CNTNAP4: variants seen among roughly 807,000 people sequenced by gnomAD.
CNTNAP4 encodes contactin associated protein family member 4, also known as contactin-associated protein-like 4.
In CNTNAP4, 98 loss-of-function variants were observed where a neutral mutation model predicts 148.4. The ratio of observed to expected loss-of-function variants is 0.66; its 90% CI spans 0.56 to 0.78. CNTNAP4 has a LOEUF of 0.78. Ranked by LOEUF, CNTNAP4 falls within the 30% of genes least tolerant of loss-of-function variation. The pLI is 0.00. For synonymous variants in CNTNAP4, 730 were observed against 565.1 expected, an observed-to-expected ratio of 1.29 and a Z score of -4.14; for missense variants, 1,935 against 1,565.6, an observed-to-expected ratio of 1.24 and a Z score of -3.98.
chr16:76,509,752 T>C lies in CNTNAP4; in HGVS notation c.2365+11058T>C, dbSNP rs1447567206. On this transcript the variant is annotated intron_variant, in intron 15 of 23. Transcript: ENST00000611870. ...GCTATTATTTGTATATTGTTACTTT[T>C]AAAGGCTAACCACTAGTTCTATTCT... Among the ~76,000 whole-genome samples, 11 of 97,448 alleles carry C rather than the reference T, an allele frequency of 1.1e-4. 3 individuals are homozygous for C. The highest frequency in any genetic ancestry group is 6.0e-4 in the Admixed American group (6 of 10,020). 63.9% of individuals were successfully genotyped at this position (97,448 alleles called of 152,430 possible).
intron 3 of CNTNAP4, among the ~76,000 whole-genome samples, chr16:76,402,123 A>C (rs1328523659): frequency 2.0e-5 from 3 of 152,194 alleles, no homozygotes; most frequent in Non-Finnish European, 2.9e-5. Flanking sequence ...GAATGGTACC[A>C]GCTCTTCTTT....
intron 4 of CNTNAP4, among the ~76,000 whole-genome samples, chr16:76,434,929 G>A (rs1409605113): frequency 1.3e-5 from 2 of 152,136 alleles, no homozygotes; most frequent in Admixed American, 6.6e-5. Context: ...TTTAACTGGA[G>A]CACCACAATG....
At chr16:76,361,231 C>G (rs540449400) in intron 3 of CNTNAP4, among the ~76,000 whole-genome samples, 73 of 152,252 alleles carry the variant, frequency 4.8e-4, no homozygotes, top group East Asian at 9.6e-4. Flanking sequence ...TGTTGTAAGG[C>G]AGATCTGCAG....
At chr16:76,344,885 T>G (rs1964777263) in intron 2 of CNTNAP4, among the ~76,000 whole-genome samples, 1 of 152,224 alleles carries the variant, frequency 6.6e-6, no homozygotes, top group Non-Finnish European at 1.5e-5. Context: ...AATGTACTCA[T>G]ATGATGTCAT....
At chr16:76,533,963 C>T (rs1324040346) in intron 17 of CNTNAP4, among the ~76,000 whole-genome samples, 1 of 152,198 alleles carries the variant, frequency 6.6e-6, no homozygotes, top group Non-Finnish European at 1.5e-5. Context: ...AGCTATGAAT[C>T]TGAATTCTGA....
intron 15 of CNTNAP4, among the ~76,000 whole-genome samples, chr16:76,514,460 A>T (rs1412880708): frequency 2.0e-5 from 3 of 152,244 alleles, no homozygotes. Context: ...GAAAAGAAAT[A>T]TCTTCTTCAG....
intron 3 of CNTNAP4, among the ~76,000 whole-genome samples, chr16:76,383,905 A>G (rs1479491127): frequency 6.6e-6 from 1 of 152,148 alleles, no homozygotes; most frequent in East Asian, 1.9e-4. Flanking sequence ...TGTTCTCTCT[A>G]CTTGGTTCTA....
Position 76,494,921 on chromosome 16 carries a change from C to A in CNTNAP4, c.2092C>A (p.Leu698Met), listed in dbSNP as rs368369408. ...RLVNKQDGTP[L>M]SWWVGRTNET... ...CGTTTTTCTTTCAGATGGAACCCCTCTGAGTTGGTGGGTAGGAAGAACCAA... is the reference window on the plus strand; with the variant it reads ...CGTTTTTCTTTCAGATGGAACCCCTATGAGTTGGTGGGTAGGAAGAACCAA... The change falls in exon 14 of 24, where the codon CTG becomes ATG. Residue 698 changes from leucine (L) to methionine (M), a missense_variant. Physicochemically the swap from Leu to Met is conservative, Grantham distance 15 (BLOSUM62 2). Transcript: ENST00000611870. 2 of 1,613,152 alleles carry A rather than the reference C, an allele frequency of 1.2e-6. No individual in the cohort carries two copies. Among genetic ancestry groups the A allele is most frequent in the Non-Finnish European group, 1.7e-6 (2 of 1,179,438 alleles).
At chr16:76,361,946 A>T (rs34176229) in intron 3 of CNTNAP4, among the ~76,000 whole-genome samples, 63,040 of 151,896 alleles carry the variant, frequency 0.42, 13,736 homozygotes, top group Admixed American at 0.52. Flanking sequence ...TCTTTTCACC[A>T]ACCTGCTGGT....
chr16:76,515,651 G>A (rs1056550193), intron 15 of CNTNAP4, among the ~76,000 whole-genome samples: 1 of 152,152 alleles, frequency 6.6e-6, no homozygotes, highest in African/African-American at 2.4e-5. Flanking sequence ...AACACAATGG[G>A]CAAAAGACGT....
chr16:76,556,528 G>GT (rs896485902), intron 23 of CNTNAP4, among the ~76,000 whole-genome samples: 1 of 152,044 alleles, frequency 6.6e-6, no homozygotes, highest in African/African-American at 2.4e-5. Flanking sequence ...CTCGGCCAAT[G>GT]TAACATTCAT....
chr16:76,367,393 C>G lies in CNTNAP4; in HGVS notation c.390+11882C>G, dbSNP rs1337955461. Among the ~76,000 whole-genome samples the G allele has an allele frequency of 2.0e-5, 3 of 151,862 alleles. No individual in the cohort carries two copies. The East Asian group carries it at 5.8e-4, about 29-fold the overall frequency. On this transcript the variant is annotated intron_variant, in intron 3 of 23. Coordinates refer to ENST00000611870, the MANE Select transcript of CNTNAP4 (RefSeq NM_033401.5). Reference sequence around the variant, plus strand: ...CTTTCTAGGCAAAGGGAACCAAACCCAAATGCCATAAAGGAAAAGATGAAA... The same window carrying G: ...CTTTCTAGGCAAAGGGAACCAAACCGAAATGCCATAAAGGAAAAGATGAAA...
chr16:76,377,023 A>G (rs988933675), intron 3 of CNTNAP4, among the ~76,000 whole-genome samples: 8 of 151,620 alleles, frequency 5.3e-5, no homozygotes, highest in African/African-American at 9.7e-5. Context: ...GGCTCGTGCA[A>G]TCGACAGGCT....
At chr16:76,444,097 G>T (rs941818774) in intron 4 of CNTNAP4, among the ~76,000 whole-genome samples, 7 of 152,116 alleles carry the variant, frequency 4.6e-5, no homozygotes, top group Non-Finnish European at 1.0e-4. Context: ...AAATTCAAGA[G>T]ATTGAGTGTA....
intron 21 of CNTNAP4, among the ~76,000 whole-genome samples, chr16:76,550,811 C>T (rs1444900360): frequency 1.3e-5 from 2 of 152,088 alleles, no homozygotes; most frequent in Non-Finnish European, 2.9e-5. Flanking sequence ...TGAACTGCCT[C>T]CTATATAATG....
Position 76,450,814 on chromosome 16 carries a change from C to T in CNTNAP4, c.1071+956C>T, listed in dbSNP as rs1365842659. Among the ~76,000 whole-genome samples, 3 of 152,074 alleles carry T rather than the reference C, an allele frequency of 2.0e-5. No individual in the cohort carries two copies. The South Asian group carries it at 6.2e-4, about 32-fold the overall frequency. On this transcript the variant is annotated intron_variant, in intron 7 of 23. Coordinates refer to ENST00000611870, the MANE Select transcript of CNTNAP4 (RefSeq NM_033401.5). ...TAGGTTTCAGTTAGGGAAGCAGCAC[C>T]AATGCTAGGTATTGTGAACAGTGGA...
chr16:76,390,521 CT>C (rs974550956), intron 3 of CNTNAP4, among the ~76,000 whole-genome samples: 20 of 151,314 alleles, frequency 1.3e-4, no homozygotes, highest in African/African-American at 4.9e-4. Context: ...GCCAGGGAAT[CT>C]GTTCATGAAC....
intron 1 of CNTNAP4, among the ~76,000 whole-genome samples, chr16:76,288,672 A>T (rs886188197): frequency 2.0e-5 from 3 of 152,236 alleles, no homozygotes; most frequent in African/African-American, 7.2e-5. Flanking sequence ...TTTTTGAAAG[A>T]CAGAAGTATT....
At chr16:76,295,104 A>G (rs1379315308) in intron 1 of CNTNAP4, among the ~76,000 whole-genome samples, 1 of 152,174 alleles carries the variant, frequency 6.6e-6, no homozygotes. Context: ...TGGTAAGTGC[A>G]ATGAGGGAGA....
Sources: allele counts gnomAD v4.1 joint callset (sites outside exome capture counted in the v4.1 genomes callset), GRCh38; gene constraint gnomAD v4.1.1; transcripts MANE v1.5; gene names NCBI Gene and HGNC (gene_info 2026-07-23, HGNC 2026-07-21).